Variants in CLASP1 observed in about 807,000 individuals in gnomAD.
The protein encoded by CLASP1 is CLIP-associating protein 1.
In CLASP1, 38 loss-of-function variants were observed where a neutral mutation model predicts 192.3. The ratio of observed to expected loss-of-function variants is 0.20; its 90% confidence interval spans 0.15 to 0.26. CLASP1 has a LOEUF of 0.26. CLASP1 is among the 10% of genes least tolerant of loss of function. The pLI, the probability that CLASP1 is intolerant of heterozygous loss-of-function variation, is 1.00. For missense variants in CLASP1, 1,433 were observed against 1,932.5 expected, an observed-to-expected ratio of 0.74 and a Z score of 4.85; for synonymous variants, 691 against 712.8, an observed-to-expected ratio of 0.97 and a Z score of 0.49.
At chr2:121,492,164 T>G (rs1042755189) in intron 8 of CLASP1, among the ~76,000 whole-genome samples, 1 of 151,424 alleles carries the variant, frequency 6.6e-6, no homozygotes, top group African/African-American at 2.4e-5. Context: ...CCGAGGCGGG[T>G]AGATCACGAG....
At chr2:121,339,131 C>CACACACACACACA (rs1330342670) in exon 40 of CLASP1, 1 of 143,514 alleles carries the variant, frequency 7.0e-6, no homozygotes, top group African/African-American at 2.6e-5. Flanking sequence ...ACACACAACA[C>CACACACACACACA]CACACACACA....
chr2:121,611,848 T>C (rs1481200409), intron 1 of CLASP1, among the ~76,000 whole-genome samples: 2 of 124,892 alleles, frequency 1.6e-5, no homozygotes, highest in Admixed American at 7.9e-5. Context: ...GGAGGAGGCA[T>C]TGGAGGAGTT....
intron 8 of CLASP1, among the ~76,000 whole-genome samples, chr2:121,483,528 A>G (rs10204870): frequency 6.6e-6 from 1 of 151,550 alleles, no homozygotes; most frequent in East Asian, 1.9e-4. Context: ...ATGTGTGTGT[A>G]TATATATGTA....
At chr2:121,461,882 G>A (rs866468309) in intron 10 of CLASP1, among the ~76,000 whole-genome samples, 4 of 152,038 alleles carry the variant, frequency 2.6e-5, no homozygotes, top group Admixed American at 6.6e-5. Flanking sequence ...TCGCCATGTC[G>A]CCTAGGCCAC....
intron 8 of CLASP1, among the ~76,000 whole-genome samples, chr2:121,471,477 A>G (rs965530117): frequency 4.6e-5 from 7 of 152,166 alleles, no homozygotes; most frequent in Admixed American, 3.9e-4. Context: ...AATGGGCATT[A>G]GTTCTTTACC....
chr2:121,401,583 T>C (rs1282781193), exon 28 of CLASP1: 1 of 1,613,166 alleles, frequency 6.2e-7, no homozygotes, highest in Middle Eastern at 1.7e-4. Flanking sequence ...TCTTAAGTAA[T>C]TGTGTGAGAA....
rs184300221 is a variant in CLASP1 at position 121,362,628 on chromosome 2, T to G, written c.4206+544A>C. On this transcript the variant is annotated intron_variant, in intron 37 of 39. Transcript: ENST00000263710. ...GTCAGTACAGCAGCCTGCTACCCAC[T>G]GTTGGCAGGCGCTGGGCTGGAATCA... 2.1e-3 allele frequency among the ~76,000 whole-genome samples: 320 copies of G among 152,332 alleles called. 2 individuals carry two copies. Among genetic ancestry groups the G allele is most frequent in the African/African-American group, 7.0e-3 (293 of 41,582 alleles).
chr2:121,379,486 T>G (rs1454547564), intron 33 of CLASP1, among the ~76,000 whole-genome samples: 1 of 152,210 alleles, frequency 6.6e-6, no homozygotes, highest in Non-Finnish European at 1.5e-5. Flanking sequence ...AGCTTTTGTA[T>G]GGACAAGGCA....
At chr2:121,394,834 C>T (rs552315036) in intron 30 of CLASP1, among the ~76,000 whole-genome samples, 290 of 152,258 alleles carry the variant, frequency 1.9e-3, no homozygotes, top group African/African-American at 6.7e-3. Context: ...GAGCCGAGAT[C>T]GCGCCACTGC....
intron 32 of CLASP1, 113 bp from the exon 34 acceptor site, chr2:121,382,437 T>C (rs1332295131): frequency 3.0e-6 from 2 of 671,962 alleles, no homozygotes; most frequent in Non-Finnish European, 4.9e-6. Context: ...TTGACAAAGT[T>C]CTATTAAAGT....
At chr2:121,515,895 T>C (rs1030688141) in intron 6 of CLASP1, 133 bp from the exon 7 acceptor site, 19 of 679,826 alleles carry the variant, frequency 2.8e-5, no homozygotes, top group Non-Finnish European at 4.1e-5. Flanking sequence ...AATCCTTATA[T>C]ACATTTGTCT....
Position 121,474,913 on chromosome 2 carries a change from G to C in CLASP1, c.713-4953C>G, listed in dbSNP as rs932090594. ...CTAACTATAGGGATAGTGAGAAGGA[G>C]GACGCAAGAATTAAGCAAAGTAATG... On this transcript the variant is annotated intron_variant, in intron 8 of 39. Transcript: ENST00000263710. 3.9e-5 allele frequency among the ~76,000 whole-genome samples: 6 copies of C among 152,138 alleles called. No homozygotes were observed. The East Asian group carries it at 9.6e-4, about 24-fold the overall frequency.
At chr2:121,524,820 G>A (rs1394201502) in intron 6 of CLASP1, among the ~76,000 whole-genome samples, 1 of 152,184 alleles carries the variant, frequency 6.6e-6, no homozygotes, top group African/African-American at 2.4e-5. Context: ...AAAGCAGGGA[G>A]ACAGCAGACG....
chr2:121,605,631 A>T, intron 2 of CLASP1, 70 bp downstream of exon 2: 1 of 1,182,282 alleles, frequency 8.5e-7, no homozygotes, highest in Non-Finnish European at 1.2e-6. Flanking sequence ...AGGGATTTTT[A>T]TAAGGGCCAA....
At chr2:121,478,992 C>CCACACACACCCCA (rs1559370357) in intron 8 of CLASP1, among the ~76,000 whole-genome samples, 1 of 63,358 alleles carries the variant, frequency 1.6e-5, no homozygotes, top group African/African-American at 8.4e-5. Context: ...ACCACACACC[C>CCACACACACCCCA]CACACACACA....
rs148723898 is a variant in CLASP1 at position 121,648,190 on chromosome 2, C to T, written c.-286+1182G>A. 2.1e-3 allele frequency among the ~76,000 whole-genome samples: 313 copies of T among 152,242 alleles called. 1 individual carries two copies. The highest frequency in any genetic ancestry group is 7.2e-3 in the African/African-American group (300 of 41,540). The stretch of plus-strand genomic sequence containing the variant: ...CTCATATCGAGAGGTCAGTTACCGT[C>T]GTAAATAATCGTAGTAATAAAAACA... On this transcript the variant is annotated intron_variant, in intron 1 of 39. Transcript: ENST00000263710.
chr2:121,397,110 G>A, intron 30 of CLASP1, 30 bp downstream of exon 31: 2 of 1,609,698 alleles, frequency 1.2e-6, no homozygotes, highest in Non-Finnish European at 1.7e-6. Flanking sequence ...GGAACAATCT[G>A]TAATTACACG....
At chr2:121,418,253 T>A (rs1352152524) in intron 23 of CLASP1, among the ~76,000 whole-genome samples, 2 of 152,252 alleles carry the variant, frequency 1.3e-5, no homozygotes, top group Non-Finnish European at 2.9e-5. Context: ...AAATTAAAGA[T>A]AAATTGTAAA....
intron 8 of CLASP1, among the ~76,000 whole-genome samples, chr2:121,491,558 A>G (rs2093306499): frequency 6.6e-6 from 1 of 152,252 alleles, no homozygotes; most frequent in African/African-American, 2.4e-5. Context: ...TGCATGATTT[A>G]AAAACTTACA....
Sources: allele counts gnomAD v4.1 joint callset (sites outside exome capture counted in the v4.1 genomes callset), GRCh38; gene constraint gnomAD v4.1.1; transcripts MANE v1.5; gene names NCBI Gene and HGNC (gene_info 2026-07-23, HGNC 2026-07-21).